Variants in CHRNA5 observed in about 807,000 individuals in gnomAD.
CHRNA5 encodes the protein cholinergic receptor nicotinic alpha 5 subunit.
In CHRNA5, 28 loss-of-function variants were observed where a neutral mutation model predicts 41.2. That is an observed-to-expected ratio of 0.68 (90% CI 0.50 to 0.93). The LOEUF (loss-of-function observed/expected upper bound fraction) is 0.93. Ranked by LOEUF, CHRNA5 falls within the 40% of genes least tolerant of loss-of-function variation. CHRNA5 has a pLI of 0.00. For synonymous variants in CHRNA5, 188 were observed against 205.8 expected, an observed-to-expected ratio of 0.91 and a Z score of 0.74; for missense variants, 481 against 581.9, an observed-to-expected ratio of 0.83 and a Z score of 1.78.
chr15:78,583,694 C>CA (rs397946301), intron 2 of CHRNA5, among the ~76,000 whole-genome samples: 1,981 of 82,072 alleles, frequency 0.024, 31 homozygotes, highest in African/African-American at 0.067. Flanking sequence ...GACTCTGTCT[C>CA]AAAAAAAAAA....
chr15:78,575,683 G>T (rs1430084895), intron 1 of CHRNA5, among the ~76,000 whole-genome samples: 1 of 151,814 alleles, frequency 6.6e-6, no homozygotes, highest in Non-Finnish European at 1.5e-5. Flanking sequence ...GGAAGAATAA[G>T]AACGACCCTG....
At chr15:78,590,576 T>G in exon 5 of CHRNA5, 1 of 1,614,230 alleles carries the variant, frequency 6.2e-7, no homozygotes, top group Non-Finnish European at 8.5e-7. Context: ...CATTGGAAGC[T>G]GCGCTCGATT....
At chr15:78,573,996 G>C (rs1362124238) in intron 1 of CHRNA5, among the ~76,000 whole-genome samples, 1 of 73,546 alleles carries the variant, frequency 1.4e-5, no homozygotes, top group Non-Finnish European at 3.0e-5. Context: ...TGTATTTTTA[G>C]TAGAGACAGG....
Position 78,590,839 on chromosome 15 carries a change from A to G in CHRNA5, c.1245+203A>G, listed in dbSNP as rs1367209768. ...AGCACCTGCAAAATGGGGCATTTAC[A>G]CAAATCTCACTTCTCCACTTCCCCC... On this transcript the variant is annotated intron_variant, in intron 5 of 5. Transcript: ENST00000299565. The G allele has an allele frequency of 1.3e-5, 7 of 554,652 alleles. No individual in the cohort carries two copies. In the Admixed American group the frequency reaches 2.5e-4, roughly 19 times the overall value. 34.4% of individuals were successfully genotyped at this position (554,652 alleles called of 1,614,324 possible).
chr15:78,583,503 C>G (rs1596061404), intron 2 of CHRNA5, among the ~76,000 whole-genome samples: 5 of 152,080 alleles, frequency 3.3e-5, no homozygotes, highest in African/African-American at 1.2e-4. Context: ...ACCATCCTGG[C>G]TAACACGGTG....
At chr15:78,581,731 G>A (rs74475808) in intron 2 of CHRNA5, among the ~76,000 whole-genome samples, 2,400 of 152,176 alleles carry the variant, frequency 0.016, 55 homozygotes, top group African/African-American at 0.054. Flanking sequence ...TCTACTACCC[G>A]GAGATGACTA....
At chr15:78,565,715 G>A in exon 1 of CHRNA5, 1 of 1,153,562 alleles carries the variant, frequency 8.7e-7, no homozygotes, top group Non-Finnish European at 1.1e-6. Flanking sequence ...CGCGGGCGCG[G>A]GGCGATGGCG....
At position 78,586,969 on chromosome 15, in the gene CHRNA5, G is replaced by A. The variant is rs148242461; in HGVS notation, c.303+280G>A. Among the ~76,000 whole-genome samples, 115 of 152,260 alleles carry A rather than the reference G, an allele frequency of 7.6e-4. 1 individual carries two copies. Among genetic ancestry groups the A allele is most frequent in the African/African-American group, 2.7e-3 (112 of 41,556 alleles). On this transcript the variant is annotated intron_variant, in intron 3 of 5. Coordinates refer to ENST00000299565, the Ensembl canonical transcript of CHRNA5. ...ACAAAAAACCCTGTAGTATTAGTCC[G>A]TTCTCACACTGCTATAAGGACATAC...
chr15:78,571,605 A>G (rs759606363), intron 1 of CHRNA5, among the ~76,000 whole-genome samples: 6 of 133,332 alleles, frequency 4.5e-5, no homozygotes, highest in Admixed American at 8.3e-5. Context: ...TTTGAAGTGT[A>G]CAAGTTGTCT....
At chr15:78,566,228 T>C (rs1358968817) in intron 1 of CHRNA5, among the ~76,000 whole-genome samples, 3 of 152,106 alleles carry the variant, frequency 2.0e-5, no homozygotes, top group African/African-American at 7.2e-5. Context: ...TTGGGACTTA[T>C]CTTCCACCTC....
intron 1 of CHRNA5, 40 bp downstream of exon 1, chr15:78,565,865 C>T (rs911675549): frequency 2.6e-6 from 3 of 1,153,484 alleles, no homozygotes; most frequent in Non-Finnish European, 3.3e-6. Flanking sequence ...GGAGCTGGCC[C>T]GGACTCCACA....
intron 1 of CHRNA5, among the ~76,000 whole-genome samples, chr15:78,569,702 G>GGA (rs2052782754): frequency 1.3e-5 from 2 of 152,072 alleles, no homozygotes; most frequent in Non-Finnish European, 2.9e-5. Flanking sequence ...CAAAGTGCTG[G>GGA]GATTACAGGT....
At chr15:78,570,149 A>G (rs2052788497) in intron 1 of CHRNA5, among the ~76,000 whole-genome samples, 1 of 152,162 alleles carries the variant, frequency 6.6e-6, no homozygotes, top group South Asian at 2.1e-4. Context: ...TGACAATATG[A>G]TAGAAAGGAT....
Position 78,588,214 on chromosome 15 carries a change from ATC to A in CHRNA5, c.304-97_304-96del, listed in dbSNP as rs72650654. 1.7e-6 allele frequency: 1 copy of A among 594,890 alleles called. No homozygotes were observed. Among genetic ancestry groups the A allele is most frequent in the Non-Finnish European group, 3.0e-6 (1 of 334,024 alleles). 36.9% of individuals were successfully genotyped at this position (594,890 alleles called of 1,614,324 possible). A position where few individuals can be genotyped will look rare whatever the true frequency, so the allele number is the denominator to read the frequency against. ...GTGTTCTCTATTGGGGGTAGAGATG[ATC>A]TCATGTCTAAAATTTCTGGTGTGAC... On this transcript the variant is annotated intron_variant, in intron 3 of 5. Transcript: ENST00000299565. This position sits in a 1 kb window ranked among gnomAD's most constrained non-coding sequence, Gnocchi z 4.1.
chr15:78,584,130 A>G (rs1289561404), intron 2 of CHRNA5, among the ~76,000 whole-genome samples: 2 of 152,136 alleles, frequency 1.3e-5, no homozygotes, highest in African/African-American at 4.8e-5. Flanking sequence ...GTCAGGGGAG[A>G]TGAAGGGTGA....
chr15:78,590,780 A>G (rs776278432), intron 5 of CHRNA5, 144 bp downstream of exon 5: 2 of 686,024 alleles, frequency 2.9e-6, no homozygotes, highest in South Asian at 2.0e-5. Context: ...CATATTTTCT[A>G]TAAAAGATCT....
intron 1 of CHRNA5, among the ~76,000 whole-genome samples, chr15:78,570,697 A>G (rs924913924): frequency 1.3e-5 from 2 of 152,290 alleles, no homozygotes; most frequent in Admixed American, 1.3e-4. Context: ...AAAAGGTGAT[A>G]TGAACTTTTA....
chr15:78,588,567 A>T lies in CHRNA5; in HGVS notation c.413+144A>T, dbSNP rs139319291. 7 of 467,458 alleles carry T rather than the reference A, an allele frequency of 1.5e-5. No individual in the cohort carries two copies. The East Asian group carries it at 2.3e-4, about 16-fold the overall frequency. 29.0% of individuals were successfully genotyped at this position (467,458 alleles called of 1,614,324 possible). The stretch of plus-strand genomic sequence containing the variant: ...ACCGCATGTGCCTGGGTATGATTAC[A>T]TGTTTTATAGATGAGGAAACAGAGG... On this transcript the variant is annotated intron_variant, in intron 4 of 5. Transcript: ENST00000299565. This position sits in a 1 kb window ranked among gnomAD's most constrained non-coding sequence, Gnocchi z 4.1.
chr15:78,573,962 A>G (rs1412822525), intron 1 of CHRNA5, among the ~76,000 whole-genome samples: 6 of 104,830 alleles, frequency 5.7e-5, no homozygotes. Flanking sequence ...ACGCCTGGCT[A>G]ATTTTTTTTT....
Sources: gnomAD v4.1 joint callset for allele counts (sites outside exome capture counted in the v4.1 genomes callset) on GRCh38, gnomAD v4.1.1 for gene constraint, Gnocchi (gnomAD v3.1) non-coding constraint, MANE v1.5 for transcripts, NCBI Gene and HGNC (gene_info 2026-07-23, HGNC 2026-07-21) for gene names.